The following EXOC2 variants were observed in gnomAD, a reference collection of about 807,000 sequenced individuals.
EXOC2 encodes the protein SEC5-like 1.
EXOC2 carries 70 observed loss-of-function variants against 131.8 expected under a neutral mutation model. The ratio of observed to expected loss-of-function variants is 0.53; its 90% CI spans 0.44 to 0.65. The LOEUF is 0.65. EXOC2 is among the 30% of genes least tolerant of loss of function. The pLI, the probability that EXOC2 is intolerant of heterozygous loss-of-function variation, is 0.00. For synonymous variants in EXOC2, 411 were observed against 398.4 expected, an observed-to-expected ratio of 1.03 and a Z score of -0.38; for missense variants, 923 against 1,108.6, an observed-to-expected ratio of 0.83 and a Z score of 2.38.
chr6:507,045 C>A (rs542802855), intron 23 of EXOC2, among the ~76,000 whole-genome samples: 1 of 150,354 alleles, frequency 6.7e-6, no homozygotes, highest in South Asian at 2.2e-4. Context: ...CACACACACA[C>A]ACACACAGAG....
chr6:661,829 C>A (rs1200303653), intron 1 of EXOC2, among the ~76,000 whole-genome samples: 3 of 152,124 alleles, frequency 2.0e-5, no homozygotes, highest in African/African-American at 7.2e-5. Flanking sequence ...AGTAAATGGC[C>A]TAAATGCTCC....
At chr6:645,591 C>CT (rs70985807) in intron 1 of EXOC2, among the ~76,000 whole-genome samples, 7 of 151,108 alleles carry the variant, frequency 4.6e-5, no homozygotes, top group East Asian at 1.9e-4. Context: ...GGAAGCAACC[C>CT]TTTTTTTTTT....
intron 10 of EXOC2, among the ~76,000 whole-genome samples, chr6:594,630 G>C (rs1025811277): frequency 2.0e-5 from 3 of 152,202 alleles, no homozygotes; most frequent in African/African-American, 7.2e-5. Flanking sequence ...TACATTATAC[G>C]TCTCTTTAAA....
chr6:556,651 CCCA>C (rs1757435615), intron 17 of EXOC2, 87 bp from the exon 18 acceptor site: 1 of 1,382,430 alleles, frequency 7.2e-7, no homozygotes, highest in African/African-American at 1.4e-5. Flanking sequence ...GGCCCCAAGC[CCCA>C]CATTTTCCAG....
chr6:629,396 TTAA>T (rs1335728515), intron 4 of EXOC2, among the ~76,000 whole-genome samples: 1 of 152,170 alleles, frequency 6.6e-6, no homozygotes, highest in Non-Finnish European at 1.5e-5. Context: ...ATGATTAAAG[TTAA>T]ATAAGTCTGG....
chr6:626,392 G>T (rs957643616), intron 4 of EXOC2, among the ~76,000 whole-genome samples: 4 of 152,118 alleles, frequency 2.6e-5, no homozygotes, highest in Non-Finnish European at 5.9e-5. Context: ...GAGCCACAAG[G>T]CAACCGTACT....
intron 11 of EXOC2, among the ~76,000 whole-genome samples, chr6:585,074 T>C (rs1759129497): frequency 6.6e-6 from 1 of 152,126 alleles, no homozygotes; most frequent in African/African-American, 2.4e-5. Context: ...CTTAATAAGG[T>C]AGTAAAAGTT....
intron 7 of EXOC2, among the ~76,000 whole-genome samples, chr6:604,339 C>T (rs1384214562): frequency 6.6e-6 from 1 of 152,170 alleles, no homozygotes; most frequent in East Asian, 1.9e-4. Flanking sequence ...CTGCCACTCG[C>T]TCTACCTTCA....
chr6:609,774 C>T (rs1010182741), intron 7 of EXOC2, among the ~76,000 whole-genome samples: 2 of 152,184 alleles, frequency 1.3e-5, no homozygotes, highest in African/African-American at 4.8e-5. Flanking sequence ...TGGTCAGTGA[C>T]AATCCTGGCT....
chr6:564,416 G>A lies in EXOC2; in HGVS notation c.1667+129C>T. 3.0e-6 allele frequency: 4 copies of A among 1,319,008 alleles called. No homozygotes were observed. The South Asian group carries it at 5.5e-5, about 18-fold the overall frequency. The allele number at this position is 1,319,008 out of a possible 1,614,324, so 81.7% of individuals were successfully genotyped here. ...AGCTTAGCTGTCAGATGATGAACAG[G>A]AAACAGTGGAGGCAAAAGGACAAAA... On this transcript the variant is annotated intron_variant, in intron 15 of 27. Transcript: ENST00000230449.
At chr6:488,585 T>TAA (rs758233245) in intron 27 of EXOC2, among the ~76,000 whole-genome samples, 1 of 150,922 alleles carries the variant, frequency 6.6e-6, no homozygotes, top group Non-Finnish European at 1.5e-5. Flanking sequence ...ACTCAAAAAT[T>TAA]AAAAAAAAAA....
At chr6:574,448 T>C (rs1758469868) in intron 12 of EXOC2, among the ~76,000 whole-genome samples, 1 of 152,230 alleles carries the variant, frequency 6.6e-6, no homozygotes, top group Non-Finnish European at 1.5e-5. Flanking sequence ...ATTGTAGTGT[T>C]ATGCGACCTT....
At chr6:522,604 C>T (rs1765531715) in intron 23 of EXOC2, among the ~76,000 whole-genome samples, 1 of 147,076 alleles carries the variant, frequency 6.8e-6, no homozygotes, top group Non-Finnish European at 1.5e-5. Context: ...TTGAACTGGG[C>T]TGGGCTCAGG....
intron 23 of EXOC2, among the ~76,000 whole-genome samples, chr6:508,676 C>T (rs1764693069): frequency 6.6e-6 from 1 of 152,216 alleles, no homozygotes; most frequent in African/African-American, 2.4e-5. Context: ...TATTCACCTA[C>T]TGAAGGATTA....
chr6:529,270 C>T (rs555490238), intron 23 of EXOC2, among the ~76,000 whole-genome samples: 1 of 152,212 alleles, frequency 6.6e-6, no homozygotes, highest in African/African-American at 2.4e-5. Context: ...TCCGAAGACA[C>T]CTTGGAGCGG....
Position 485,898 on chromosome 6 carries a change from G to C in EXOC2, c.*773C>G, listed in dbSNP as rs1763017578. On this transcript the variant is annotated 3_prime_UTR_variant, in exon 28 of 28. Coordinates refer to ENST00000230449, the MANE Select transcript of EXOC2 (RefSeq NM_018303.6). The stretch of plus-strand genomic sequence containing the variant: ...CTGCGACCGCCCCGCCAACACCTCA[G>C]AGTGTAACACAGTGCCCGTTACACA... The C allele has an allele frequency of 6.6e-6, 1 of 152,278 alleles. No homozygotes were observed. The highest frequency in any genetic ancestry group is 1.5e-5 in the Non-Finnish European group (1 of 68,062). The allele number at this position is 152,278 out of a possible 1,614,324, so 9.4% of individuals were successfully genotyped here. A position where few individuals can be genotyped will look rare whatever the true frequency, so the allele number is the denominator to read the frequency against.
In EXOC2 at chr6:486,632, A is replaced by G. The variant is rs1473528622; in HGVS notation, c.*39T>C. On this transcript the variant is annotated 3_prime_UTR_variant, in exon 28 of 28. Coordinates refer to ENST00000230449, the MANE Select transcript of EXOC2 (RefSeq NM_018303.6). ...TACTTAGAGAGTGAACAGTCTTATT[A>G]CGTGTTATTTTCCTGGACTTCTTTT... 1 of 1,521,194 alleles carries G rather than the reference A, an allele frequency of 6.6e-7. No homozygotes were observed. Among genetic ancestry groups the G allele is most frequent in the Non-Finnish European group, 9.1e-7 (1 of 1,095,400 alleles). 94.2% of individuals were successfully genotyped at this position (1,521,194 alleles called of 1,614,324 possible). A position where few individuals can be genotyped will look rare whatever the true frequency, so the allele number is the denominator to read the frequency against.
intron 23 of EXOC2, among the ~76,000 whole-genome samples, chr6:518,461 T>C (rs1455600344): frequency 6.6e-6 from 1 of 152,258 alleles, no homozygotes; most frequent in Non-Finnish European, 1.5e-5. Context: ...AACAGCATAG[T>C]TTATAGCTAT....
rs56903216 is a variant in EXOC2, at chr6:487,700, C to T, written c.2682-936G>A. On this transcript the variant is annotated intron_variant, in intron 27 of 27. Transcript: ENST00000230449. The stretch of plus-strand genomic sequence containing the variant: ...GATTACAGGCATGAGCCACTGCGCC[C>T]GGCCCAAGTCATCTAATTTTTAAAG... Among the ~76,000 whole-genome samples, 1,322 of 152,292 alleles carry T rather than the reference C, an allele frequency of 8.7e-3. 19 individuals carry two copies. Among genetic ancestry groups the T allele is most frequent in the African/African-American group, 0.03 (1,239 of 41,568 alleles).
Sources: gnomAD v4.1 joint callset for allele counts (sites outside exome capture counted in the v4.1 genomes callset) on GRCh38, gnomAD v4.1.1 for gene constraint, MANE v1.5 for transcripts, NCBI Gene and HGNC (gene_info 2026-07-23, HGNC 2026-07-21) for gene names.